The following PNLIPRP3 variants were observed in gnomAD, a reference collection of about 807,000 sequenced individuals.
PNLIPRP3 encodes the protein pancreatic lipase-related protein 3.
Under a neutral mutation model 52.8 loss-of-function variants are expected in PNLIPRP3, and 58 were observed. That is an observed-to-expected ratio of 1.10 (90% CI 0.89 to 1.37). The LOEUF (loss-of-function observed/expected upper bound fraction) is 1.37, where lower values mean the gene tolerates loss of function less well. PNLIPRP3 is among the 40% of genes most tolerant of loss of function. The pLI is 0.00. For missense variants in PNLIPRP3, 593 were observed against 561.6 expected (o/e 1.06, Z -0.57); for synonymous variants, 192 against 185.0 (o/e 1.04, Z -0.31).
chr10:116,442,952 T>C (rs1057023427), intron 2 of PNLIPRP3, 103 bp from the exon 3 acceptor site: 3 of 870,368 alleles, frequency 3.4e-6, no homozygotes, highest in African/African-American at 3.5e-5. Context: ...TTGCTAAAGA[T>C]CAAATTTAGT....
intron 4 of PNLIPRP3, among the ~76,000 whole-genome samples, chr10:116,447,632 G>A (rs1019121768): frequency 1.3e-5 from 2 of 152,118 alleles, no homozygotes; most frequent in African/African-American, 4.8e-5. Context: ...AAATCTTGGA[G>A]CAAAAGAATA....
At position 116,455,796 on chromosome 10, in the gene PNLIPRP3, T is replaced by C. The variant is rs756795817; in HGVS notation, c.531T>C (p.Ala177=). The change falls in exon 5 of 12, where the codon GCT becomes GCC. Residue 177 remains alanine, a synonymous_variant. Coordinates refer to ENST00000369230, the MANE Select transcript of PNLIPRP3 (RefSeq NM_001011709.3). ...HSLGAHLAGE[A]GSRIPGLGRI... The stretch of plus-strand genomic sequence containing the variant: ...TGGGAGCACACCTGGCTGGGGAAGC[T>C]GGGTCAAGGATACCAGGCCTTGGAA... 6.2e-7 allele frequency: 1 copy of C among 1,613,596 alleles called. No homozygotes were observed. The highest frequency in any genetic ancestry group is 8.5e-7 in the Non-Finnish European group (1 of 1,179,708).
chr10:116,439,690 A>G (rs1845829897), intron 2 of PNLIPRP3: 1 of 768,426 alleles, frequency 1.3e-6, no homozygotes, highest in Non-Finnish European at 2.4e-6. Context: ...CACGTCTCCA[A>G]TAGAGAAGCC....
intron 4 of PNLIPRP3, among the ~76,000 whole-genome samples, chr10:116,448,735 G>C (rs1845992467): frequency 6.8e-6 from 1 of 146,670 alleles, no homozygotes; most frequent in Non-Finnish European, 1.5e-5. Flanking sequence ...TTGTTTTAGG[G>C]CTGGGTGCGG....
intron 1 of PNLIPRP3, among the ~76,000 whole-genome samples, chr10:116,431,638 T>C (rs888596505): frequency 6.6e-6 from 1 of 152,178 alleles, no homozygotes; most frequent in Non-Finnish European, 1.5e-5. Flanking sequence ...CAGCTTTAGG[T>C]CTGTTATTGC....
At chr10:116,459,567 G>A (rs940208700) in intron 5 of PNLIPRP3, among the ~76,000 whole-genome samples, 3 of 152,110 alleles carry the variant, frequency 2.0e-5, no homozygotes, top group Admixed American at 6.5e-5. Context: ...GCTGACATCT[G>A]GCTCCTGCTA....
intron 9 of PNLIPRP3, among the ~76,000 whole-genome samples, chr10:116,469,724 G>T (rs1003421953): frequency 1.3e-5 from 2 of 152,138 alleles, no homozygotes; most frequent in African/African-American, 2.4e-5. Context: ...GGATTGTAGA[G>T]ACTGGGAGGA....
chr10:116,457,460 G>A (rs549583098), intron 5 of PNLIPRP3, among the ~76,000 whole-genome samples: 2 of 152,142 alleles, frequency 1.3e-5, no homozygotes, highest in Admixed American at 1.3e-4. Flanking sequence ...TCCAAATTGG[G>A]ATTATTTTGT....
intron 8 of PNLIPRP3, among the ~76,000 whole-genome samples, chr10:116,468,331 G>T (rs190763473): frequency 3.9e-5 from 6 of 151,988 alleles, no homozygotes; most frequent in Non-Finnish European, 5.9e-5. Flanking sequence ...AAAAATGAAG[G>T]CCACAATTTA....
Position 116,433,419 on chromosome 10 carries a change from G to A in PNLIPRP3, c.50-3292G>A, listed in dbSNP as rs747445769. 2.0e-5 allele frequency among the ~76,000 whole-genome samples: 3 copies of A among 152,040 alleles called. No individual in the cohort carries two copies. The South Asian group carries it at 6.2e-4, about 32-fold the overall frequency. On this transcript the variant is annotated intron_variant, in intron 1 of 11. Transcript: ENST00000369230. ...CACAAAGATCTCATCCACAAAAGAG[G>A]TACAAATGGCTAGAAATGCACAAAA...
chr10:116,453,211 A>C (rs1255766112), intron 4 of PNLIPRP3, among the ~76,000 whole-genome samples: 1 of 151,918 alleles, frequency 6.6e-6, no homozygotes, highest in Admixed American at 6.6e-5. Context: ...GGGGCCTATT[A>C]CCTCTTTCTT....
At chr10:116,445,768 G>A (rs182601341) in intron 4 of PNLIPRP3, among the ~76,000 whole-genome samples, 2 of 152,302 alleles carry the variant, frequency 1.3e-5, no homozygotes, top group East Asian at 3.9e-4. Context: ...AGGGTTTAGG[G>A]TGAGTGGGCT....
chr10:116,446,754 A>C (rs1266424542), intron 4 of PNLIPRP3, among the ~76,000 whole-genome samples: 5 of 152,182 alleles, frequency 3.3e-5, no homozygotes, highest in South Asian at 4.1e-4. Flanking sequence ...CATCCTGGGT[A>C]AATATAAAAC....
At chr10:116,461,838 A>G (rs1016595332) in intron 7 of PNLIPRP3, among the ~76,000 whole-genome samples, 1 of 152,164 alleles carries the variant, frequency 6.6e-6, no homozygotes, top group African/African-American at 2.4e-5. Flanking sequence ...CCTTATAGAC[A>G]CCAAGGGGAG....
At position 116,443,791 on chromosome 10, in the gene PNLIPRP3, A is replaced by ATGTG. The variant is rs1175117723; in HGVS notation, c.325-584_325-581dup. Among the ~76,000 whole-genome samples the ATGTG allele has an allele frequency of 2.6e-3, 31 of 11,792 alleles. No homozygotes were observed. In the East Asian group the frequency reaches 0.028, roughly 11 times the overall value. The allele number at this position is 11,792 out of a possible 152,430, so 7.7% of individuals were successfully genotyped here. ...TGTGTGTGTGTGTGTGTGTGTATGTATGTGTGTGTGCATATATATATATAT... is the reference window on the plus strand; with the variant it reads ...TGTGTGTGTGTGTGTGTGTGTATGTATGTGTGTGTGTGTGCATATATATATATAT... On this transcript the variant is annotated intron_variant, in intron 3 of 11. Coordinates refer to ENST00000369230, the MANE Select transcript of PNLIPRP3 (RefSeq NM_001011709.3).
chr10:116,440,843 C>G (rs180727832), intron 2 of PNLIPRP3, among the ~76,000 whole-genome samples: 17 of 152,242 alleles, frequency 1.1e-4, no homozygotes, highest in Admixed American at 2.0e-4. Context: ...CAGCTTTAGT[C>G]AAGGATAGAA....
At position 116,444,487 on chromosome 10, in the gene PNLIPRP3, G is replaced by T; in HGVS notation, c.430G>T (p.Val144Leu). The change falls in exon 4 of 12, where the codon GTG (valine) becomes TTG (leucine). Residue 144 changes from valine (V) to leucine (L), a missense_variant. Transcript: ENST00000369230. ...VNNLRVVGAE[V>L]AYFIDVLMKK... The stretch of plus-strand genomic sequence containing the variant: ...CAATCTCCGTGTTGTTGGTGCTGAG[G>T]TGGCTTATTTTATTGATGTTCTCAT... 6.2e-7 allele frequency: 1 copy of T among 1,613,568 alleles called. No individual in the cohort carries two copies. Among genetic ancestry groups the T allele is most frequent in the Non-Finnish European group, 8.5e-7 (1 of 1,179,706 alleles).
Position 116,466,143 on chromosome 10 carries a change from G to A in PNLIPRP3, c.902G>A (p.Cys301Tyr), listed in dbSNP as rs1846280122. Residue 301 changes from cysteine (C) to tyrosine (Y), a missense_variant, in exon 8 of 12, where the codon TGT becomes TAT. Coordinates refer to ENST00000369230, the MANE Select transcript of PNLIPRP3 (RefSeq NM_001011709.3). ...CCTGATGCATTTATTGCTTATCCTTGTAGATCCTACACATCTTTTAAAGCA... is the reference window on the plus strand; with the variant it reads ...CCTGATGCATTTATTGCTTATCCTTATAGATCCTACACATCTTTTAAAGCA... ...LNPDAFIAYPCRSYTSFKAGN... is the reference protein window; with the variant it reads ...LNPDAFIAYPYRSYTSFKAGN... The A allele has an allele frequency of 1.2e-6, 2 of 1,609,146 alleles. No individual in the cohort carries two copies. The highest frequency in any genetic ancestry group is 8.5e-7 in the Non-Finnish European group (1 of 1,176,070).
intron 1 of PNLIPRP3, among the ~76,000 whole-genome samples, chr10:116,434,137 G>T (rs1278498466): frequency 6.6e-6 from 1 of 152,102 alleles, no homozygotes; most frequent in Non-Finnish European, 1.5e-5. Context: ...ACCAGACTGG[G>T]CATCATTTGG....
Sources: allele counts gnomAD v4.1 joint callset (sites outside exome capture counted in the v4.1 genomes callset), GRCh38; gene constraint gnomAD v4.1.1; transcripts MANE v1.5; gene names NCBI Gene and HGNC (gene_info 2026-07-23, HGNC 2026-07-21).